USP11: variants seen among roughly 807,000 people sequenced by gnomAD.
USP11 encodes the protein ubiquitin specific peptidase 11.
Under a neutral mutation model 72.8 loss-of-function variants are expected in USP11, and 5 were observed. The observed-to-expected ratio is 0.07, with a 90% CI of 0.04 to 0.14. USP11 has a LOEUF of 0.14. Among genes scored for constraint, USP11 ranks in the 10% least tolerant of loss-of-function variants. The probability of loss-of-function intolerance (pLI) is 1.00; values close to 1 mark genes in which losing one functional copy is unlikely to be tolerated. For synonymous variants in USP11, 368 were observed against 326.5 expected, an observed-to-expected ratio of 1.13 and a Z score of -1.37; for missense variants, 480 against 794.7, an observed-to-expected ratio of 0.60 and a Z score of 4.76.
chrX:47,245,158 A>C, intron 16 of USP11, 72 bp downstream of exon 16: 1 of 1,131,542 alleles, frequency 8.8e-7, no homozygotes, highest in Non-Finnish European at 1.2e-6. Flanking sequence ...CCTCCCCACA[A>C]CTCCTCTAGC....
At position 47,239,810 on chromosome X, in the gene USP11, C is replaced by T. The variant is rs2055392980; in HGVS notation, c.438C>T (p.Ile146=). 1.7e-6 allele frequency: 2 copies of T among 1,211,691 alleles called. No individual in the cohort carries two copies. Among genetic ancestry groups the T allele is most frequent in the Admixed American group, 2.2e-5 (1 of 46,047 alleles). ...TACAGGTCATAGAGCTGCCCAACATCCAGAAGGTCGAAGTGTACCCAGTAG... is the reference window on the plus strand; with the variant it reads ...TACAGGTCATAGAGCTGCCCAACATTCAGAAGGTCGAAGTGTACCCAGTAG... ...IERKVIELPN[I]QKVEVYPVEL... is the part of the protein sequence containing the mutation. The change falls in exon 4 of 21, where the codon ATC becomes ATT. Residue 146 remains isoleucine, a synonymous_variant. Coordinates refer to ENST00000377107, the MANE Select transcript of USP11 (RefSeq NM_001371072.1).
At chrX:47,235,030 T>C (rs1337668060) in intron 1 of USP11, among the ~76,000 whole-genome samples, 2 of 111,911 alleles carry the variant, frequency 1.8e-5, no homozygotes, top group African/African-American at 6.5e-5. Flanking sequence ...GTTTAAAAAT[T>C]AAATAATAAA....
chrX:47,233,775 C>G (rs1299420105), intron 1 of USP11: 1 of 43,536 alleles, frequency 2.3e-5, no homozygotes, highest in Non-Finnish European at 9.3e-5. Context: ...GAGGGGCGTG[C>G]TCTGAGGCCG....
chrX:47,243,686 C>T, intron 13 of USP11, 84 bp downstream of exon 13: 2 of 922,261 alleles, frequency 2.2e-6, no homozygotes, highest in South Asian at 2.3e-5. Flanking sequence ...GACACCTCCC[C>T]TGTAACAAAC....
intron 13 of USP11, 135 bp downstream of exon 13, chrX:47,243,737 T>C (rs1257403200): frequency 6.2e-6 from 4 of 648,953 alleles, no homozygotes; most frequent in African/African-American, 2.2e-5. Flanking sequence ...GAAGAACTTG[T>C]AGGGTTTTTT....
At position 47,248,225 on chromosome X, in the gene USP11, T is replaced by TAC. The variant is rs751819382; in HGVS notation, c.*295_*296insAC. Reference sequence around the variant, plus strand: ...TCTCCTCAGCCCAGAGTGTTCTGCGTGGGTGGTGATGGGGGTTCACCTGAA... The same window carrying TAC: ...TCTCCTCAGCCCAGAGTGTTCTGCGTACGGGTGGTGATGGGGGTTCACCTGAA... On this transcript the variant is annotated 3_prime_UTR_variant, in exon 21 of 21. Transcript: ENST00000377107. The TAC allele has an allele frequency of 1.0e-4, 31 of 306,105 alleles. No homozygotes were observed. Among genetic ancestry groups the TAC allele is most frequent in the Non-Finnish European group, 1.6e-4 (28 of 178,142 alleles). The allele number at this position is 306,105 out of a possible 1,213,427, so 25.2% of individuals were successfully genotyped here. A position where few individuals can be genotyped will look rare whatever the true frequency, so the allele number is the denominator to read the frequency against.
chrX:47,245,561 T>G, intron 17 of USP11, 79 bp downstream of exon 17: 1 of 595,629 alleles, frequency 1.7e-6, no homozygotes, highest in South Asian at 3.0e-5. Flanking sequence ...TTTTTTTTTT[T>G]GAGACAGAGT....
At position 47,239,785 on chromosome X, in the gene USP11, T is replaced by TA. The variant is rs773990120; in HGVS notation, c.418-4dup. 2.4e-5 allele frequency: 29 copies of TA among 1,208,721 alleles called. No individual in the cohort carries two copies. Among genetic ancestry groups the TA allele is most frequent in the Non-Finnish European group, 3.1e-5 (28 of 892,800 alleles). On this transcript the variant is annotated splice_polypyrimidine_tract_variant and splice_region_variant and intron_variant, in intron 3 of 20. Coordinates refer to ENST00000377107, the MANE Select transcript of USP11 (RefSeq NM_001371072.1). ...ACCTGTGTCTGCACCCCTCTACTCT[T>TA]ACAGGTCATAGAGCTGCCCAACATC...
intron 1 of USP11, among the ~76,000 whole-genome samples, chrX:47,235,286 G>T (rs1239438916): frequency 8.9e-6 from 1 of 111,841 alleles, no homozygotes; most frequent in Non-Finnish European, 1.9e-5. Flanking sequence ...AAATTCTACT[G>T]GATGCATACT....
chrX:47,243,602 C>T lies in USP11; in HGVS notation c.1790C>T (p.Ser597Leu). The change falls in exon 13 of 21, where the codon TCA becomes TTA. Residue 597 changes from serine to leucine, a missense_variant and splice_region_variant. Around this residue, in one of 5 missense-constraint regions of USP11, gnomAD observed 314 missense variants for 556.0 expected, o/e 0.56. Coordinates refer to ENST00000377107, the MANE Select transcript of USP11 (RefSeq NM_001371072.1). ...TATAACGTCCTGATGTACCGGCTCT[C>T]GTAAGTGTCCTCTTCCCCGGGGGTG... is the stretch of plus-strand genomic sequence containing the variant. ...GLYNVLMYRL[S>L]RYVTKPNSDD... The T allele has an allele frequency of 1.7e-6, 2 of 1,210,819 alleles. No individual in the cohort carries two copies. The highest frequency in any genetic ancestry group is 2.2e-6 in the Non-Finnish European group (2 of 894,832).
intron 3 of USP11, 22 bp from the exon 4 acceptor site, chrX:47,239,768 C>G: frequency 8.4e-7 from 1 of 1,194,477 alleles, no homozygotes; most frequent in South Asian, 1.8e-5. Context: ...ACACCTGTGT[C>G]TGCACCCCTC....
chrX:47,238,978 G>A, intron 1 of USP11, 92 bp from the exon 2 acceptor site: 1 of 563,278 alleles, frequency 1.8e-6, no homozygotes, highest in African/African-American at 2.3e-5. Context: ...AAATTATAAT[G>A]TGTCAATACT....
intron 1 of USP11, among the ~76,000 whole-genome samples, chrX:47,237,201 C>T (rs1034258788): frequency 2.7e-5 from 3 of 111,622 alleles, no homozygotes; most frequent in African/African-American, 9.8e-5. Flanking sequence ...AACAAATTAA[C>T]TTCATAGACT....
Position 47,242,086 on chromosome X carries a change from T to C in USP11, c.1184T>C (p.Val395Ala). ...CCACCATGACACTATCAACAGGAGG[T>C]GGCACAGGAGGCATGGCAAAACCAC... The part of the protein sequence containing the change: ...CDAAGRPDQE[V>A]AQEAWQNHKR... Residue 395 changes from valine (V) to alanine (A), a missense_variant, in exon 10 of 21, where the codon GTG becomes GCG. By Grantham distance (64) the Val-to-Ala change is moderately conservative. Transcript: ENST00000377107. The C allele has an allele frequency of 8.3e-7, 1 of 1,208,477 alleles. No homozygotes were observed. Among genetic ancestry groups the C allele is most frequent in the Non-Finnish European group, 1.1e-6 (1 of 894,092 alleles).
intron 13 of USP11, 105 bp downstream of exon 13, chrX:47,243,707 C>T (rs1193534067): frequency 6.3e-6 from 5 of 788,231 alleles, no homozygotes; most frequent in Admixed American, 3.0e-5. Flanking sequence ...AAAAGACAGT[C>T]CAAACTTAAC....
rs2055446934 is a variant in USP11, at chrX:47,248,122, C to T, written c.*192C>T. 2 of 580,908 alleles carry T rather than the reference C, an allele frequency of 3.4e-6. No homozygotes were observed. The highest frequency in any genetic ancestry group is 4.5e-5 in the Admixed American group (1 of 22,458). The allele number at this position is 580,908 out of a possible 1,213,427, so 47.9% of individuals were successfully genotyped here. ...AAGAACAGGTCGTGTCTCCTCCTAG[C>T]AGTGCGCGCCCCGCCTGTGTTTGCC... On this transcript the variant is annotated 3_prime_UTR_variant, in exon 21 of 21. Coordinates refer to ENST00000377107, the MANE Select transcript of USP11 (RefSeq NM_001371072.1).
rs887899845 is a variant in USP11, at chrX:47,239,859, G to A, written c.487G>A (p.Asp163Asn). Reference protein sequence around the residue: ...PVELLLVRHNDLGKSHTVQFS... With the variant: ...PVELLLVRHNNLGKSHTVQFS... ...AGAACTGCTGCTTGTCCGGCACAAT[G>A]ATTTGGGCAAATCTCACACTGTTCA... Residue 163 changes from aspartate (D) to asparagine (N), a missense_variant, in exon 4 of 21, where the codon GAT becomes AAT. Asp to Asn is a conservative substitution (Grantham distance 23, BLOSUM62 1). Coordinates refer to ENST00000377107, the MANE Select transcript of USP11 (RefSeq NM_001371072.1). The A allele has an allele frequency of 9.1e-6, 11 of 1,210,004 alleles. No individual in the cohort carries two copies. Among genetic ancestry groups the A allele is most frequent in the Non-Finnish European group, 1.0e-5 (9 of 895,274 alleles).
In USP11 at chrX:47,248,212, A is replaced by G; in HGVS notation, c.*282A>G. ...TCGTGCCCTTCCCTCTCCTCAGCCC[A>G]GAGTGTTCTGCGTGGGTGGTGATGG... On this transcript the variant is annotated 3_prime_UTR_variant, in exon 21 of 21. Coordinates refer to ENST00000377107, the MANE Select transcript of USP11 (RefSeq NM_001371072.1). 3.0e-6 allele frequency: 1 copy of G among 335,424 alleles called. No individual in the cohort carries two copies. The highest frequency in any genetic ancestry group is 5.1e-6 in the Non-Finnish European group (1 of 195,767). 27.6% of individuals were successfully genotyped at this position (335,424 alleles called of 1,213,427 possible).
In USP11 at chrX:47,244,938, C is replaced by T. The variant is rs1225218936; in HGVS notation, c.2086+14C>T. ...AAGAAGTCCATGGTATTTCCTTTGG[C>T]TATCAGCGAGGGCTGGGGAGGCTGG... On this transcript the variant is annotated intron_variant, in intron 15 of 20. Coordinates refer to ENST00000377107, the MANE Select transcript of USP11 (RefSeq NM_001371072.1). 19 of 1,211,233 alleles carry T rather than the reference C, an allele frequency of 1.6e-5. No individual in the cohort carries two copies. The highest frequency in any genetic ancestry group is 2.1e-5 in the Non-Finnish European group (19 of 894,901).
Sources: allele counts gnomAD v4.1 joint callset (sites outside exome capture counted in the v4.1 genomes callset), GRCh38; gene constraint gnomAD v4.1.1; regional missense constraint gnomAD v4.1.1; transcripts MANE v1.5; gene names NCBI Gene and HGNC (gene_info 2026-07-23, HGNC 2026-07-21).